Variants in RORA observed in about 807,000 individuals in gnomAD.
RORA encodes the protein RAR related orphan receptor A.
A neutral mutation model predicts 69.5 loss-of-function variants in RORA; 7 were observed. That is an observed-to-expected ratio of 0.10 (90% CI 0.06 to 0.19). The LOEUF is 0.19. Ranked by LOEUF, RORA falls within the 10% of genes least tolerant of loss-of-function variation. The pLI is 1.00. For synonymous variants in RORA, 261 were observed against 240.8 expected (o/e 1.08, Z -0.78); for missense variants, 457 against 663.0 (o/e 0.69, Z 3.41).
At chr15:60,627,939 G>A (rs550033275) in intron 2 of RORA, among the ~76,000 whole-genome samples, 2 of 152,298 alleles carry the variant, frequency 1.3e-5, no homozygotes, top group South Asian at 2.1e-4. Flanking sequence ...AGCTTATAGA[G>A]AGCAGGGAAC....
chr15:60,693,571 T>A (rs967267394), intron 1 of RORA, among the ~76,000 whole-genome samples: 4 of 152,192 alleles, frequency 2.6e-5, no homozygotes, highest in Non-Finnish European at 4.4e-5. Flanking sequence ...AAAAGCTTCT[T>A]AAGCTGATAA....
chr15:60,647,217 A>C (rs1296991631), intron 2 of RORA, among the ~76,000 whole-genome samples: 1 of 152,192 alleles, frequency 6.6e-6, no homozygotes, highest in African/African-American at 2.4e-5. Flanking sequence ...CTTTATGCTC[A>C]GATATGCTGT....
chr15:60,539,666 C>T (rs4775280), intron 2 of RORA, among the ~76,000 whole-genome samples: 1 of 152,154 alleles, frequency 6.6e-6, no homozygotes, highest in Non-Finnish European at 1.5e-5. Flanking sequence ...GGGTCAGATA[C>T]TAAATAAGTA....
rs142379241 is a variant in RORA, at chr15:61,225,360, G to A, written c.166+3693C>T. ...CTGAGAATCAATCTCTAGAAAGGGCGCTAAATTGCTAGGTAAGAGCACCTA... is the reference window on the plus strand; with the variant it reads ...CTGAGAATCAATCTCTAGAAAGGGCACTAAATTGCTAGGTAAGAGCACCTA... On this transcript the variant is annotated intron_variant, in intron 1 of 10. Coordinates refer to ENST00000335670, the MANE Select transcript of RORA (RefSeq NM_134261.3). Among the ~76,000 whole-genome samples, 18 of 152,196 alleles carry A rather than the reference G, an allele frequency of 1.2e-4. No individual in the cohort carries two copies. In the East Asian group the frequency reaches 2.1e-3, roughly 18 times the overall value.
chr15:60,795,486 G>C (rs1022377913), intron 1 of RORA, among the ~76,000 whole-genome samples: 12 of 152,228 alleles, frequency 7.9e-5, no homozygotes, highest in Admixed American at 7.9e-4. Context: ...TAGACTGGAA[G>C]CTCCCTGAGG....
chr15:61,017,397 G>A (rs1446162955), intron 1 of RORA, among the ~76,000 whole-genome samples: 2 of 152,150 alleles, frequency 1.3e-5, no homozygotes, highest in South Asian at 2.1e-4. Flanking sequence ...AGATGTAGCA[G>A]AAAGTATTAA....
intron 1 of RORA, among the ~76,000 whole-genome samples, chr15:60,880,005 C>T (rs2073661086): frequency 6.6e-6 from 1 of 152,150 alleles, no homozygotes; most frequent in Non-Finnish European, 1.5e-5. Context: ...TGTAAGCATG[C>T]TTTGAAGAAG....
chr15:60,510,175 T>G (rs8025669), intron 5 of RORA, among the ~76,000 whole-genome samples: 1 of 152,190 alleles, frequency 6.6e-6, no homozygotes, highest in East Asian at 1.9e-4. Context: ...ATTCTCTCCT[T>G]GTATTAACTT....
intron 1 of RORA, among the ~76,000 whole-genome samples, chr15:60,902,585 G>A (rs1234528061): frequency 6.6e-6 from 1 of 152,224 alleles, no homozygotes; most frequent in Non-Finnish European, 1.5e-5. Context: ...TTAGAGTCAT[G>A]TCTACATAGC....
intron 1 of RORA, among the ~76,000 whole-genome samples, chr15:61,010,210 G>A (rs1895043652): frequency 6.6e-6 from 1 of 152,142 alleles, no homozygotes; most frequent in East Asian, 1.9e-4. Context: ...CCTAGCTTTT[G>A]AGAGGAAACA....
intron 1 of RORA, among the ~76,000 whole-genome samples, chr15:60,944,899 T>C (rs953888960): frequency 5.9e-5 from 9 of 152,190 alleles, no homozygotes; most frequent in African/African-American, 2.2e-4. Context: ...TCCCACTGAC[T>C]GACCTAGGCA....
chr15:60,691,646 T>C (rs1309092763), intron 1 of RORA, among the ~76,000 whole-genome samples: 1 of 152,128 alleles, frequency 6.6e-6, no homozygotes, highest in Non-Finnish European at 1.5e-5. Context: ...GAAGGCTACA[T>C]ACAAAGAGTG....
intron 1 of RORA, among the ~76,000 whole-genome samples, chr15:60,901,282 C>T (rs1891383668): frequency 6.6e-6 from 1 of 152,164 alleles, no homozygotes; most frequent in Admixed American, 6.5e-5. Flanking sequence ...AGCAATTCTC[C>T]TGCCTCAACC....
intron 1 of RORA, among the ~76,000 whole-genome samples, chr15:60,874,572 A>G (rs2073593379): frequency 6.6e-6 from 1 of 152,222 alleles, no homozygotes; most frequent in Non-Finnish European, 1.5e-5. Context: ...CTTTATTAAT[A>G]TAGAAAGGCA....
At chr15:61,009,976 T>C in intron 1 of RORA, among the ~76,000 whole-genome samples, 1 of 152,154 alleles carries the variant, frequency 6.6e-6, no homozygotes, top group East Asian at 1.9e-4. Context: ...AAAACACAAC[T>C]AATAAACAGT....
At position 61,052,725 on chromosome 15, in the gene RORA, C is replaced by T. The variant is rs75357297; in HGVS notation, c.166+176328G>A. Among the ~76,000 whole-genome samples the T allele has an allele frequency of 5.0e-3, 754 of 152,298 alleles. 7 individuals are homozygous for T. The highest frequency in any genetic ancestry group is 0.017 in the African/African-American group (717 of 41,552). On this transcript the variant is annotated intron_variant, in intron 1 of 10. Transcript: ENST00000335670. ...CTGTAAGTAATAGTATATTTCCATG[C>T]ACTCTTGATTGGTATTATACAGTTC...
intron 1 of RORA, among the ~76,000 whole-genome samples, chr15:60,714,125 C>T (rs966085711): frequency 3.3e-5 from 5 of 152,008 alleles, no homozygotes; most frequent in South Asian, 2.1e-4. Flanking sequence ...GTGGTCTCAG[C>T]TCACTGCAAC....
chr15:60,998,799 C>T (rs980615918), intron 1 of RORA, among the ~76,000 whole-genome samples: 2 of 152,226 alleles, frequency 1.3e-5, no homozygotes, highest in Admixed American at 6.5e-5. Flanking sequence ...GGCCCACCCA[C>T]CTACCCCTCT....
At chr15:60,678,581 A>G in intron 2 of RORA, 76 bp downstream of exon 2, 1 of 1,086,250 alleles carries the variant, frequency 9.2e-7, no homozygotes, top group African/African-American at 1.5e-5. Context: ...ATATACTTGA[A>G]GGGTCACAGC....
Sources: allele counts gnomAD v4.1 joint callset (sites outside exome capture counted in the v4.1 genomes callset), GRCh38; gene constraint gnomAD v4.1.1; transcripts MANE v1.5; gene names NCBI Gene and HGNC (gene_info 2026-07-23, HGNC 2026-07-21).